The following CCNB1 variants were observed in gnomAD, a reference collection of about 807,000 sequenced individuals.
The protein encoded by CCNB1 is cyclin B1, also known as G2/mitotic-specific cyclin-B1.
Under a neutral mutation model 44.4 loss-of-function variants are expected in CCNB1, and 26 were observed. The ratio of observed to expected loss-of-function variants is 0.59; its 90% CI spans 0.43 to 0.81. CCNB1 has a LOEUF of 0.81. CCNB1 is among the 40% of genes least tolerant of loss of function. The pLI is 0.00. For missense variants in CCNB1, 477 were observed against 520.9 expected, an observed-to-expected ratio of 0.92 and a Z score of 0.82; for synonymous variants, 195 against 181.4, an observed-to-expected ratio of 1.08 and a Z score of -0.60.
Position 69,174,256 on chromosome 5 carries a change from G to A in CCNB1, c.552G>A (p.Glu184=), listed in dbSNP as rs138451213. 3.0e-4 allele frequency: 487 copies of A among 1,613,334 alleles called. No individual in the cohort carries two copies. The highest frequency in any genetic ancestry group is 4.0e-4 in the Non-Finnish European group (473 of 1,179,846). Residue 184 remains glutamate (E), a synonymous_variant, in exon 5 of 9, where the codon GAG becomes GAA. Coordinates refer to ENST00000256442, the MANE Select transcript of CCNB1 (RefSeq NM_031966.4). ...IYAYLRQLEE[E]QAVRPKYLLG... ...ATCAGCATTTTCTTTTGCAGGAAGA[G>A]CAAGCAGTCAGACCAAAATACCTAC...
At chr5:69,172,874 C>T (rs748383700) in intron 4 of CCNB1, among the ~76,000 whole-genome samples, 140 of 149,546 alleles carry the variant, frequency 9.4e-4, no homozygotes, top group Non-Finnish European at 1.4e-3. Flanking sequence ...CCCGGGTTCA[C>T]GCCATTCTCC....
intron 6 of CCNB1, 100 bp downstream of exon 6, chr5:69,175,213 T>C: frequency 1.9e-6 from 2 of 1,037,676 alleles, no homozygotes; most frequent in South Asian, 2.8e-5. Context: ...TATACCTAAC[T>C]ACATGGGGAA....
chr5:69,169,089 G>C (rs1222492316), intron 3 of CCNB1, among the ~76,000 whole-genome samples: 1 of 152,026 alleles, frequency 6.6e-6, no homozygotes, highest in Non-Finnish European at 1.5e-5. Context: ...AAAACTTGTT[G>C]AGACAGAGTC....
In CCNB1 at chr5:69,174,297, C is replaced by A; in HGVS notation, c.593C>A (p.Thr198Asn). The change falls in exon 5 of 9, where the codon ACT becomes AAT. Residue 198 changes from threonine (T) to asparagine (N), a missense_variant. Transcript: ENST00000256442. ...RPKYLLGREVTGNMRAILIDW... is the reference protein window; with the variant it reads ...RPKYLLGREVNGNMRAILIDW... ...AAATACCTACTGGGTCGGGAAGTCA[C>A]TGGAAACATGAGAGCCATCCTAATT... is the stretch of plus-strand genomic sequence containing the variant. The A allele has an allele frequency of 1.2e-6, 2 of 1,614,092 alleles. No individual in the cohort carries two copies. Among genetic ancestry groups the A allele is most frequent in the Non-Finnish European group, 1.7e-6 (2 of 1,180,010 alleles).
At position 69,167,288 on chromosome 5, in the gene CCNB1, G is replaced by T; in HGVS notation, c.21+5G>T. On this transcript the variant is annotated splice_donor_5th_base_variant and intron_variant, in intron 1 of 8. Transcript: ENST00000256442. ...ATGGCGCTCCGAGTCACCAGGGTGA[G>T]CCGCTTCGGACTGCGAACTAACGCG... 6.3e-7 allele frequency: 1 copy of T among 1,590,656 alleles called. No homozygotes were observed. The highest frequency in any genetic ancestry group is 8.5e-7 in the Non-Finnish European group (1 of 1,171,386).
chr5:69,168,776 A>AT (rs1387857170), intron 3 of CCNB1, among the ~76,000 whole-genome samples: 16 of 152,184 alleles, frequency 1.1e-4, no homozygotes, highest in African/African-American at 1.7e-4. Context: ...GTTCTCTTGA[A>AT]TTTTTTTACT....
At chr5:69,174,555 C>T (rs1747537300) in intron 5 of CCNB1, 146 bp downstream of exon 5, 1 of 775,644 alleles carries the variant, frequency 1.3e-6, no homozygotes, top group Admixed American at 2.3e-5. Context: ...CGAGACCATC[C>T]TGGCCAACGC....
rs750829238 is a variant in CCNB1, at chr5:69,168,246, TGGTGCC to T, written c.267_272del (p.Pro93_Val94del). The T allele has an allele frequency of 6.2e-7, 1 of 1,614,192 alleles. No homozygotes were observed. The highest frequency in any genetic ancestry group is 1.1e-5 in the South Asian group (1 of 91,078). ...AAACCTCTTGAAAAGGTACCTATGC[TGGTGCC>T]AGTGCCAGTGTCTGAGCCAGTGCCA... On this transcript the variant is annotated inframe_deletion, in exon 3 of 9. Coordinates refer to ENST00000256442, the MANE Select transcript of CCNB1 (RefSeq NM_031966.4).
chr5:69,173,237 A>G (rs1466141494), intron 4 of CCNB1, among the ~76,000 whole-genome samples: 1 of 152,120 alleles, frequency 6.6e-6, no homozygotes, highest in Non-Finnish European at 1.5e-5. Context: ...AGACATAAGT[A>G]TGGTCTTTGA....
rs773343741 is a variant in CCNB1, at chr5:69,168,176, G to A, written c.196G>A (p.Ala66Thr). Residue 66 changes from alanine to threonine, a missense_variant, in exon 3 of 9, where the codon GCA becomes ACA. Ala to Thr is a moderately conservative substitution (Grantham distance 58, BLOSUM62 0). Coordinates refer to ENST00000256442, the MANE Select transcript of CCNB1 (RefSeq NM_031966.4). ...LQAKMPMKKE[A>T]KPSATGKVID... Reference sequence around the variant, plus strand: ...ATTCTCTCTGTTTCATCTACAGGAAGCAAAACCTTCAGCTACTGGAAAAGT... The same window carrying A: ...ATTCTCTCTGTTTCATCTACAGGAAACAAAACCTTCAGCTACTGGAAAAGT... 2.5e-6 allele frequency: 4 copies of A among 1,613,942 alleles called. No individual in the cohort carries two copies. In the South Asian group the frequency reaches 4.4e-5, roughly 18 times the overall value.
In CCNB1 at chr5:69,177,245, A is replaced by G. The variant is rs144132512; in HGVS notation, c.1090A>G (p.Thr364Ala). 2.1e-5 allele frequency: 34 copies of G among 1,586,672 alleles called. No homozygotes were observed. The highest frequency in any genetic ancestry group is 1.7e-4 in the African/African-American group (13 of 74,318). Reference protein sequence around the residue: ...KILDNGEWTPTLQHYLSYTEE... With the variant: ...KILDNGEWTPALQHYLSYTEE... ...CATTAACTTGTTGCCTTAGACACCAACTCTACAACATTACCTGTCATATAC... is the reference window on the plus strand; with the variant it reads ...CATTAACTTGTTGCCTTAGACACCAGCTCTACAACATTACCTGTCATATAC... Residue 364 changes from threonine to alanine, a missense_variant, in exon 8 of 9, where the codon ACT (threonine) becomes GCT (alanine). Coordinates refer to ENST00000256442, the MANE Select transcript of CCNB1 (RefSeq NM_031966.4).
Position 69,167,163 on chromosome 5 carries a change from G to A in CCNB1, c.-100G>A. The A allele has an allele frequency of 5.1e-6, 5 of 988,760 alleles. No individual in the cohort carries two copies. Among genetic ancestry groups the A allele is most frequent in the Middle Eastern group, 3.4e-4 (1 of 2,920 alleles). 61.2% of individuals were successfully genotyped at this position (988,760 alleles called of 1,614,324 possible). ...CTGGCTCTTCTCGGCGTGCTGCGGCGGAACGGCTGTTGGTTTCTGCTGGGT... is the reference window on the plus strand; with the variant it reads ...CTGGCTCTTCTCGGCGTGCTGCGGCAGAACGGCTGTTGGTTTCTGCTGGGT... On this transcript the variant is annotated 5_prime_UTR_variant, in exon 1 of 9. Transcript: ENST00000256442.
chr5:69,174,967 A>G lies in CCNB1; in HGVS notation c.796A>G (p.Ile266Val). Residue 266 changes from isoleucine (I) to valine (V), a missense_variant, in exon 6 of 9, where the codon ATT (isoleucine) becomes GTT (valine). Coordinates refer to ENST00000256442, the MANE Select transcript of CCNB1 (RefSeq NM_031966.4). ...SKYEEMYPPE[I>V]GDFAFVTDNT... is the part of the protein sequence containing the mutation. ...ATATGAAGAAATGTACCCTCCAGAAATTGGTGACTTTGCTTTTGTGACTGA... is the reference window on the plus strand; with the variant it reads ...ATATGAAGAAATGTACCCTCCAGAAGTTGGTGACTTTGCTTTTGTGACTGA... 1.9e-6 allele frequency: 3 copies of G among 1,614,198 alleles called. No individual in the cohort carries two copies. The highest frequency in any genetic ancestry group is 1.7e-6 in the Non-Finnish European group (2 of 1,180,026).
At chr5:69,175,620 T>G in intron 7 of CCNB1, 83 bp downstream of exon 7, 1 of 1,268,174 alleles carries the variant, frequency 7.9e-7, no homozygotes, top group East Asian at 2.3e-5. Context: ...AAAAGGCAAT[T>G]CAAGTGGTTC....
chr5:69,171,489 C>T, intron 4 of CCNB1, 37 bp downstream of exon 4: 1 of 1,425,586 alleles, frequency 7.0e-7, no homozygotes, highest in Non-Finnish European at 9.6e-7. Flanking sequence ...TAAACTGCAT[C>T]TAACTTTATG....
chr5:69,167,880 G>A, intron 1 of CCNB1, 28 bp from the exon 2 acceptor site: 2 of 1,588,312 alleles, frequency 1.3e-6, no homozygotes, highest in Non-Finnish European at 1.7e-6. Flanking sequence ...TCGTGGATCA[G>A]CTCTTAAAGT....
At chr5:69,167,578 G>A in intron 1 of CCNB1, 1 of 517,568 alleles carries the variant, frequency 1.9e-6, no homozygotes, top group Admixed American at 3.8e-5. Context: ...GAGGGTCCCT[G>A]AGTGGGCCCG....
chr5:69,175,301 G>A, intron 6 of CCNB1, 96 bp from the exon 7 acceptor site: 1 of 1,209,802 alleles, frequency 8.3e-7, no homozygotes, highest in Non-Finnish European at 1.2e-6. Context: ...AGAGTTTGTA[G>A]ACAAACATTT....
At position 69,171,266 on chromosome 5, in the gene CCNB1, C is replaced by T. The variant is rs1262882691; in HGVS notation, c.364-4C>T. ...GCTATTTCAAGATATCTCTTTGTTT[C>T]AAGGTTGATACTGCCTCTCCAAGCC... On this transcript the variant is annotated splice_polypyrimidine_tract_variant and splice_region_variant and intron_variant, in intron 3 of 8. Coordinates refer to ENST00000256442, the MANE Select transcript of CCNB1 (RefSeq NM_031966.4). 1.3e-6 allele frequency: 2 copies of T among 1,599,300 alleles called. No individual in the cohort carries two copies. Among genetic ancestry groups the T allele is most frequent in the East Asian group, 2.2e-5 (1 of 44,768 alleles).
Sources: allele counts gnomAD v4.1 joint callset (sites outside exome capture counted in the v4.1 genomes callset), GRCh38; gene constraint gnomAD v4.1.1; transcripts MANE v1.5; gene names NCBI Gene and HGNC (gene_info 2026-07-23, HGNC 2026-07-21).